The following BTD variants were observed in gnomAD, a reference collection of about 807,000 sequenced individuals.
The protein encoded by BTD is biotinidase, also known as biocytinase.
Under a neutral mutation model 17.7 loss-of-function variants are expected in BTD, and 13 were observed. The ratio of observed to expected loss-of-function variants is 0.74; its 90% CI spans 0.48 to 1.17. The LOEUF is 1.17. BTD is among the 50% of genes most tolerant of loss of function. The pLI, the probability that BTD is intolerant of heterozygous loss-of-function variation, is 0.00. For synonymous variants in BTD, 240 were observed against 245.2 expected (o/e 0.98, Z 0.20); for missense variants, 674 against 650.4 (o/e 1.04, Z -0.39).
intron 3 of BTD, chr3:15,694,760 T>C (rs1005635497): frequency 6.2e-7 from 1 of 1,613,422 alleles, no homozygotes; most frequent in African/African-American, 1.3e-5. Flanking sequence ...AAGGGCTTAT[T>C]GTTGCTCTAT....
chr3:15,681,960 T>C (rs1473082982), intron 3 of BTD, among the ~76,000 whole-genome samples: 2 of 152,178 alleles, frequency 1.3e-5, no homozygotes, highest in African/African-American at 4.8e-5. Context: ...GCCATCGTTC[T>C]GAATGTTAAC....
rs780049342 is a variant in BTD, at chr3:15,601,815, G to A, written c.-96G>A. The A allele has an allele frequency of 6.2e-7, 1 of 1,614,176 alleles. No individual in the cohort carries two copies. The highest frequency in any genetic ancestry group is 2.2e-5 in the East Asian group (1 of 44,882). Reference sequence around the variant, plus strand: ...GGCCTCTCGCCATTGTCTCCGAGTCGGCCAGCTGGAGCGTTTTCGGGGCTG... The same window carrying A: ...GGCCTCTCGCCATTGTCTCCGAGTCAGCCAGCTGGAGCGTTTTCGGGGCTG... On this transcript the variant is annotated 5_prime_UTR_variant, in exon 1 of 4. Coordinates refer to ENST00000643237, the MANE Select transcript of BTD (RefSeq NM_001370658.1).
rs2065326044 is a variant in BTD at position 15,635,596 on chromosome 3, C to CT, written c.157_158insT (p.Pro53LeufsTer19). Reference sequence around the variant, plus strand: ...GCATCCATCCATCCTGAGTCTGAACCCTCTGGCTCTCATCAGCCGCCAAGA... The same window carrying CT: ...GCATCCATCCATCCTGAGTCTGAACCTCTCTGGCTCTCATCAGCCGCCAAGA... On this transcript the variant is annotated frameshift_variant, in exon 2 of 4. Coordinates refer to ENST00000643237, the MANE Select transcript of BTD (RefSeq NM_001370658.1). LOFTEE classifies it high-confidence loss of function. The surrounding 1 kb of genome is among the most constrained non-coding windows in gnomAD (Gnocchi z 4.1). 1 of 1,614,214 alleles carries CT rather than the reference C, an allele frequency of 6.2e-7. No homozygotes were observed. Among genetic ancestry groups the CT allele is most frequent in the East Asian group, 2.2e-5 (1 of 44,878 alleles).
intron 2 of BTD, among the ~76,000 whole-genome samples, chr3:15,637,483 C>G (rs1202117323): frequency 3.9e-5 from 6 of 152,212 alleles, no homozygotes; most frequent in African/African-American, 1.2e-4. Context: ...GGCAAGACTT[C>G]ACATTTATGC....
At position 15,649,760 on chromosome 3, in the gene BTD, T is replaced by C. The variant is rs921777092; in HGVS notation, c.*4272T>C. ...ATCACAGCTTGTGACTCTTCCACTT[T>C]TTGAACTGGTGTTTCCCATTCCCAG... is the stretch of plus-strand genomic sequence containing the variant. On this transcript the variant is annotated 3_prime_UTR_variant, in exon 4 of 4. Transcript: ENST00000643237. 6.6e-6 allele frequency among the ~76,000 whole-genome samples: 1 copy of C among 152,230 alleles called. No homozygotes were observed. Among genetic ancestry groups the C allele is most frequent in the African/African-American group, 2.4e-5 (1 of 41,464 alleles).
intron 3 of BTD, chr3:15,678,264 A>G (rs1234354581): frequency 1.2e-6 from 2 of 1,613,090 alleles, no homozygotes; most frequent in South Asian, 1.1e-5. Context: ...TTTTCCCTGT[A>G]GAGTCCACAG....
At chr3:15,677,055 C>A (rs1454717552) in intron 3 of BTD, 1 of 1,612,318 alleles carries the variant, frequency 6.2e-7, no homozygotes, top group South Asian at 1.1e-5. Context: ...AGTTTCATGA[C>A]CCTATAATTG....
In BTD at chr3:15,648,609, G is replaced by T. The variant is rs1182779966; in HGVS notation, c.*3121G>T. 6.6e-6 allele frequency among the ~76,000 whole-genome samples: 1 copy of T among 152,184 alleles called. No homozygotes were observed. Among genetic ancestry groups the T allele is most frequent in the East Asian group, 1.9e-4 (1 of 5,200 alleles). The stretch of plus-strand genomic sequence containing the variant: ...GGTGACAGTGAAGATATCAACCAAG[G>T]CTGCAGCCGGTTGAAGGCCTCACTG... On this transcript the variant is annotated 3_prime_UTR_variant, in exon 4 of 4. Coordinates refer to ENST00000643237, the MANE Select transcript of BTD (RefSeq NM_001370658.1).
chr3:15,605,439 A>T (rs1180709498), intron 1 of BTD, among the ~76,000 whole-genome samples: 1 of 152,222 alleles, frequency 6.6e-6, no homozygotes, highest in African/African-American at 2.4e-5. Flanking sequence ...GGGAGCTATA[A>T]TTCAAGATGA....
At chr3:15,665,085 A>G (rs2065963643) in intron 3 of BTD, among the ~76,000 whole-genome samples, 1 of 152,214 alleles carries the variant, frequency 6.6e-6, no homozygotes, top group Non-Finnish European at 1.5e-5. Context: ...TTCAATTCTA[A>G]TTAAGATAGT....
At position 15,698,360 on chromosome 3, in the gene BTD, A is replaced by T. The variant is rs1575217527; in HGVS notation, c.400-11700A>T. On this transcript the variant is annotated intron_variant, in intron 3 of 3. Transcript: ENST00000672141. ...AGGGATGCCCTCTCTCACCACTCCT[A>T]TTCAACATAGTGTTGGAAGTTCTGG... is the stretch of plus-strand genomic sequence containing the variant. Among the ~76,000 whole-genome samples, 3 of 152,204 alleles carry T rather than the reference A, an allele frequency of 2.0e-5. No homozygotes were observed. The East Asian group carries it at 5.8e-4, about 29-fold the overall frequency.
intron 3 of BTD, among the ~76,000 whole-genome samples, chr3:15,693,242 A>G (rs969507210): frequency 6.6e-6 from 1 of 152,154 alleles, no homozygotes; most frequent in Non-Finnish European, 1.5e-5. Context: ...TTAAGAAGGT[A>G]CGTTTTATGC....
Position 15,653,270 on chromosome 3 carries a change from G to T in BTD, c.*7782G>T, listed in dbSNP as rs146082483. Among the ~76,000 whole-genome samples, 66 of 152,368 alleles carry T rather than the reference G, an allele frequency of 4.3e-4. No homozygotes were observed. Among genetic ancestry groups the T allele is most frequent in the African/African-American group, 1.5e-3 (64 of 41,588 alleles). On this transcript the variant is annotated 3_prime_UTR_variant, in exon 4 of 4. Transcript: ENST00000643237. ...TGATTCCGATCCTAATCAAGTGTGA[G>T]CCCACTGTCTAATGCGGTGCATACC...
rs183698767 is a variant in BTD at position 15,643,827 on chromosome 3, C to T, written c.400-489C>T. On this transcript the variant is annotated intron_variant, in intron 3 of 3. Coordinates refer to ENST00000643237, the MANE Select transcript of BTD (RefSeq NM_001370658.1). ...GTCCCAGCTTCTTAGGAGGCTGAGA[C>T]GAGAGGATTGCTTGAGGCCAGGAGT... Among the ~76,000 whole-genome samples, 307 of 137,004 alleles carry T rather than the reference C, an allele frequency of 2.2e-3. 1 individual carries two copies. The highest frequency in any genetic ancestry group is 4.0e-3 in the Non-Finnish European group (263 of 65,930). 89.9% of individuals were successfully genotyped at this position (137,004 alleles called of 152,430 possible).
At chr3:15,620,867 G>T (rs565714286) in intron 1 of BTD, among the ~76,000 whole-genome samples, 92 of 152,296 alleles carry the variant, frequency 6.0e-4, no homozygotes, top group Non-Finnish European at 9.7e-4. Context: ...AGAGGAATTG[G>T]CTCACACAAT....
intron 1 of BTD, among the ~76,000 whole-genome samples, chr3:15,604,029 G>A (rs995413060): frequency 1.3e-5 from 2 of 152,160 alleles, no homozygotes; most frequent in African/African-American, 2.4e-5. Context: ...TGGTGCAAGT[G>A]GTCAGTAGAT....
At chr3:15,603,962 C>T (rs2064364668) in intron 1 of BTD, among the ~76,000 whole-genome samples, 1 of 152,230 alleles carries the variant, frequency 6.6e-6, no homozygotes, top group Admixed American at 6.5e-5. Context: ...GCTACAACCC[C>T]CTCTCCCAGC....
rs2065656935 is a variant in BTD, at chr3:15,645,090, G to GTTCC, written c.1174_1175insTTCC (p.Glu392ValfsTer34). On this transcript the variant is annotated frameshift_variant, in exon 4 of 4. Coordinates refer to ENST00000643237, the MANE Select transcript of BTD (RefSeq NM_001370658.1). LOFTEE classifies it low-confidence loss of function (END_TRUNC). ...CACCCTGGTCCCTGTCTGGGGAAAGGAAGGCTATCTCCACGTCTGTTCCAA... is the reference window on the plus strand; with the variant it reads ...CACCCTGGTCCCTGTCTGGGGAAAGGTTCCAAGGCTATCTCCACGTCTGTTCCAA... The GTTCC allele has an allele frequency of 5.0e-6, 8 of 1,614,082 alleles. No homozygotes were observed. In the Admixed American group the frequency reaches 1.2e-4, roughly 24 times the overall value.
intron 3 of BTD, among the ~76,000 whole-genome samples, chr3:15,660,799 C>G (rs761492800): frequency 1.1e-4 from 16 of 152,198 alleles, no homozygotes; most frequent in Non-Finnish European, 2.2e-4. Flanking sequence ...TATCCCCTGG[C>G]AACCGCTGAT....
Sources: gnomAD v4.1 joint callset for allele counts (sites outside exome capture counted in the v4.1 genomes callset) on GRCh38, gnomAD v4.1.1 for gene constraint, Gnocchi (gnomAD v3.1) non-coding constraint, MANE v1.5 for transcripts, NCBI Gene and HGNC (gene_info 2026-07-23, HGNC 2026-07-21) for gene names.